Variants in TMEM116 observed in about 807,000 individuals in gnomAD.
TMEM116 encodes transmembrane protein 116.
A neutral mutation model predicts 44.3 loss-of-function variants in TMEM116; 38 were observed. The ratio of observed to expected loss-of-function variants is 0.86; its 90% CI spans 0.66 to 1.12. The LOEUF (loss-of-function observed/expected upper bound fraction) is 1.12, where lower values mean the gene tolerates loss of function less well. Ranked by LOEUF, TMEM116 falls within the 50% of genes most tolerant of loss-of-function variation. The pLI is 0.00. For missense variants in TMEM116, 354 were observed against 401.7 expected (o/e 0.88, Z 1.01); for synonymous variants, 132 against 144.8 (o/e 0.91, Z 0.64).
At chr12:111,978,275 C>T (rs963854781) in intron 4 of TMEM116, among the ~76,000 whole-genome samples, 2 of 152,014 alleles carry the variant, frequency 1.3e-5, no homozygotes, top group African/African-American at 4.8e-5. Context: ...GTGGTGCATG[C>T]CTGTAATCCC....
At chr12:111,989,922 T>C (rs2076447315) in intron 4 of TMEM116, among the ~76,000 whole-genome samples, 1 of 152,170 alleles carries the variant, frequency 6.6e-6, no homozygotes, top group Non-Finnish European at 1.5e-5. Context: ...CATAAATATG[T>C]ATAGTTTACT....
At chr12:111,981,574 T>C (rs2075942027) in intron 4 of TMEM116, among the ~76,000 whole-genome samples, 1 of 152,006 alleles carries the variant, frequency 6.6e-6, no homozygotes, top group South Asian at 2.1e-4. Context: ...AGAGCAGGAG[T>C]GGCCTCAAAG....
intron 4 of TMEM116, among the ~76,000 whole-genome samples, chr12:111,988,677 GAC>G (rs2076366922): frequency 7.0e-6 from 1 of 142,652 alleles, no homozygotes; most frequent in Non-Finnish European, 1.5e-5. Flanking sequence ...CCAGCCTGGT[GAC>G]AGAGTGAGAC....
rs2071749758 is a variant in TMEM116, at chr12:111,932,601, G to A, written c.792C>T (p.Ala264=). ...TKPQDTKLHM[A]LYVLQALTAT... ...AAGGTGTTACCTGGAGAACATAAAG[G>A]GCCATGTGAAGCTTGGTGTCCTGTG... The change falls in exon 10 of 11, where the codon GCC becomes GCT. Residue 264 remains alanine, a synonymous_variant. Coordinates refer to ENST00000552374, the MANE Select transcript of TMEM116 (RefSeq NM_001193531.2). 6.2e-7 allele frequency: 1 copy of A among 1,613,900 alleles called. No homozygotes were observed. Among genetic ancestry groups the A allele is most frequent in the African/African-American group, 1.3e-5 (1 of 74,926 alleles).
At chr12:111,951,953 G>C (rs779286205) in intron 4 of TMEM116, among the ~76,000 whole-genome samples, 5 of 151,776 alleles carry the variant, frequency 3.3e-5, no homozygotes, top group Non-Finnish European at 7.4e-5. Context: ...GGCTTGGCCG[G>C]GTGCGGTGGC....
chr12:112,011,950 C>A (rs2077860381), intron 1 of TMEM116: 1 of 152,254 alleles, frequency 6.6e-6, no homozygotes, highest in Non-Finnish European at 1.5e-5. Context: ...TCTAACCTCA[C>A]TCTCCTAGTT....
intron 5 of TMEM116, among the ~76,000 whole-genome samples, chr12:111,940,476 T>TAC (rs1276384412): frequency 2.7e-4 from 27 of 98,798 alleles, no homozygotes; most frequent in African/African-American, 1.2e-3. Context: ...TATATATATA[T>TAC]ACATACACAC....
intron 4 of TMEM116, among the ~76,000 whole-genome samples, chr12:111,946,266 C>A (rs2073264629): frequency 6.6e-6 from 1 of 152,184 alleles, no homozygotes; most frequent in South Asian, 2.1e-4. Context: ...GAATTAAAGA[C>A]ACACACACAG....
intron 3 of TMEM116, 104 bp from the exon 4 acceptor site, chr12:111,991,993 A>ATTT: frequency 2.4e-6 from 3 of 1,252,390 alleles, no homozygotes; most frequent in South Asian, 3.0e-5. Context: ...AACTGACATC[A>ATTT]TTTTTCTGGG....
intron 3 of TMEM116, chr12:111,993,651 G>T: frequency 1.7e-6 from 1 of 583,280 alleles, no homozygotes; most frequent in Non-Finnish European, 3.3e-6. Flanking sequence ...CTCTCTGGAT[G>T]AGACAGATAG....
chr12:111,954,747 G>T (rs1450789300), intron 4 of TMEM116, among the ~76,000 whole-genome samples: 1 of 152,122 alleles, frequency 6.6e-6, no homozygotes, highest in African/African-American at 2.4e-5. Flanking sequence ...CATTCTTCCA[G>T]GAAATAAAAC....
intron 3 of TMEM116, among the ~76,000 whole-genome samples, chr12:112,003,297 G>A (rs567132760): frequency 1.8e-4 from 27 of 152,102 alleles, no homozygotes; most frequent in Non-Finnish European, 3.4e-4. Flanking sequence ...GGCTGGGCGC[G>A]GTGGCTCACG....
chr12:112,012,836 G>C (rs1240336722), intron 1 of TMEM116, 166 bp downstream of exon 1: 3 of 152,610 alleles, frequency 2.0e-5, no homozygotes, highest in African/African-American at 7.2e-5. Context: ...GCGTCTCCCA[G>C]GGGAGGCGCT....
intron 5 of TMEM116, among the ~76,000 whole-genome samples, chr12:111,940,474 T>TACACACACACACACACAC (rs199977734): frequency 9.3e-4 from 100 of 106,984 alleles, no homozygotes; most frequent in African/African-American, 3.0e-3. Flanking sequence ...CATATATATA[T>TACACACACACACACACAC]ATACATACAC....
In TMEM116 at chr12:112,002,157, T is replaced by C. The variant is rs530371762; in HGVS notation, c.78+1643A>G. On this transcript the variant is annotated intron_variant, in intron 3 of 10. Coordinates refer to ENST00000552374, the MANE Select transcript of TMEM116 (RefSeq NM_001193531.2). The stretch of plus-strand genomic sequence containing the variant: ...GGAGAGCAATTATAATTAAGAGTAT[T>C]GACTTTTAAAAATCCTTGCTCTTGG... Among the ~76,000 whole-genome samples, 4 of 152,206 alleles carry C rather than the reference T, an allele frequency of 2.6e-5. No homozygotes were observed. In the East Asian group the frequency reaches 7.7e-4, roughly 29 times the overall value.
At chr12:111,978,016 A>G (rs1275735396) in intron 4 of TMEM116, among the ~76,000 whole-genome samples, 1 of 152,014 alleles carries the variant, frequency 6.6e-6, no homozygotes, top group Non-Finnish European at 1.5e-5. Context: ...CAAATAGGAA[A>G]CAGATATTAA....
chr12:111,945,456 G>A (rs146575151), intron 4 of TMEM116, among the ~76,000 whole-genome samples: 67 of 150,978 alleles, frequency 4.4e-4, no homozygotes, highest in Middle Eastern at 3.5e-3. Context: ...AGCCCTCATA[G>A]CAGATACATA....
chr12:112,004,504 C>T (rs1284105434), intron 2 of TMEM116, among the ~76,000 whole-genome samples: 1 of 152,160 alleles, frequency 6.6e-6, no homozygotes, highest in Non-Finnish European at 1.5e-5. Context: ...CCAGGCTGGT[C>T]TCAAACTCCT....
At chr12:111,940,615 G>C (rs938231422) in intron 5 of TMEM116, among the ~76,000 whole-genome samples, 6 of 143,936 alleles carry the variant, frequency 4.2e-5, no homozygotes, top group African/African-American at 1.5e-4. Context: ...CTTGAAACCA[G>C]TGATAGAGTA....
Sources: allele counts gnomAD v4.1 joint callset (sites outside exome capture counted in the v4.1 genomes callset), GRCh38; gene constraint gnomAD v4.1.1; transcripts MANE v1.5; gene names NCBI Gene and HGNC (gene_info 2026-07-23, HGNC 2026-07-21).